The following OTOF variants were observed in gnomAD, a reference collection of about 807,000 sequenced individuals.
OTOF encodes the protein fer-1-like family member 2.
A neutral mutation model predicts 236.8 loss-of-function variants in OTOF; 218 were observed. That is an observed-to-expected ratio of 0.92 (90% CI 0.82 to 1.03). The LOEUF is 1.03. Ranked by LOEUF, OTOF falls within the 50% of genes least tolerant of loss-of-function variation. The probability of loss-of-function intolerance (pLI) is 0.00; values close to 1 mark genes in which losing one functional copy is unlikely to be tolerated. For missense variants in OTOF, 2,590 were observed against 2,694.4 expected, an observed-to-expected ratio of 0.96 and a Z score of 0.86; for synonymous variants, 1,041 against 1,072.5, an observed-to-expected ratio of 0.97 and a Z score of 0.57.
chr2:26,466,367 C>T (rs186025727), intron 36 of OTOF: 7 of 515,044 alleles, frequency 1.4e-5, no homozygotes, highest in African/African-American at 5.8e-5. Flanking sequence ...GACAGAGTCT[C>T]GCTCTGTCTC....
At position 26,548,191 on chromosome 2, in the gene OTOF, A is replaced by G. The variant is rs1451596101; in HGVS notation, c.79+10302T>C. Among the ~76,000 whole-genome samples, 4 of 151,948 alleles carry G rather than the reference A, an allele frequency of 2.6e-5. No individual in the cohort carries two copies. In the East Asian group the frequency reaches 5.8e-4, roughly 22 times the overall value. ...TTTTTGATAAGTCTTGCTAGGGTTT[A>G]TCTATTTTATTAATTTTTTTTGAAG... On this transcript the variant is annotated intron_variant, in intron 1 of 46. Coordinates refer to ENST00000272371, the MANE Select transcript of OTOF (RefSeq NM_194248.3).
At chr2:26,547,077 A>C (rs551752184) in intron 1 of OTOF, among the ~76,000 whole-genome samples, 1 of 152,340 alleles carries the variant, frequency 6.6e-6, no homozygotes, top group South Asian at 2.1e-4. Flanking sequence ...CTGACTCATG[A>C]TCTTAATGTT....
At chr2:26,541,956 C>T (rs1242273996) in intron 1 of OTOF, among the ~76,000 whole-genome samples, 1 of 152,176 alleles carries the variant, frequency 6.6e-6, no homozygotes, top group Non-Finnish European at 1.5e-5. Flanking sequence ...GAAATAAACT[C>T]CTCCCTGAGT....
chr2:26,460,832 G>C lies in OTOF; in HGVS notation c.5712+20C>G, dbSNP rs937795943. On this transcript the variant is annotated intron_variant, in intron 44 of 46. Coordinates refer to ENST00000272371, the MANE Select transcript of OTOF (RefSeq NM_194248.3). This position sits in a 1 kb window ranked among gnomAD's most constrained non-coding sequence, Gnocchi z 5.3. Reference sequence around the variant, plus strand: ...CCAGTCCCAGCCCTGCCTACTGCCCGAGCAGGAAGGGGTGCGCACCGTGAG... The same window carrying C: ...CCAGTCCCAGCCCTGCCTACTGCCCCAGCAGGAAGGGGTGCGCACCGTGAG... 2 of 1,613,908 alleles carry C rather than the reference G, an allele frequency of 1.2e-6. No individual in the cohort carries two copies. Among genetic ancestry groups the C allele is most frequent in the Non-Finnish European group, 1.7e-6 (2 of 1,179,924 alleles).
rs1192548051 is a variant in OTOF at position 26,468,359 on chromosome 2, C to T, written c.4090+49G>A. On this transcript the variant is annotated intron_variant, in intron 33 of 46. Coordinates refer to ENST00000272371, the MANE Select transcript of OTOF (RefSeq NM_194248.3). ...TGATGAGGTGGGCAGGAGAGCTGAC[C>T]ACCCAGGGGCGGGGAGGAGGAGGCA... 6 of 1,447,206 alleles carry T rather than the reference C, an allele frequency of 4.1e-6. No homozygotes were observed. The African/African-American group carries it at 7.0e-5, about 17-fold the overall frequency. The allele number at this position is 1,447,206 out of a possible 1,614,324, so 89.6% of individuals were successfully genotyped here.
chr2:26,509,145 G>A (rs1220752517), intron 5 of OTOF, among the ~76,000 whole-genome samples: 2 of 152,180 alleles, frequency 1.3e-5, no homozygotes, highest in Non-Finnish European at 2.9e-5. Flanking sequence ...GCATCAAGAA[G>A]GGCCTTAGAG....
At chr2:26,537,900 G>A in intron 1 of OTOF, 126 bp from the exon 2 acceptor site, 5 of 751,996 alleles carry the variant, frequency 6.6e-6, no homozygotes, top group Non-Finnish European at 1.2e-5. Context: ...GGGACCTCGT[G>A]GCTTGCTCAC....
chr2:26,502,056 T>A (rs1471362453), intron 7 of OTOF, among the ~76,000 whole-genome samples: 1 of 152,180 alleles, frequency 6.6e-6, no homozygotes, highest in Non-Finnish European at 1.5e-5. Context: ...TGGGCAGGTC[T>A]GTGGCTTCCT....
intron 1 of OTOF, among the ~76,000 whole-genome samples, chr2:26,557,606 C>T (rs1361950125): frequency 6.6e-6 from 1 of 152,176 alleles, no homozygotes; most frequent in Non-Finnish European, 1.5e-5. Flanking sequence ...CAGCTCCTCT[C>T]TCAGCTCTGG....
chr2:26,540,232 G>A (rs1164534429), intron 1 of OTOF, among the ~76,000 whole-genome samples: 1 of 152,180 alleles, frequency 6.6e-6, no homozygotes, highest in Admixed American at 6.5e-5. Context: ...GCGCCCAGCC[G>A]AAAGACGAAT....
At position 26,471,107 on chromosome 2, in the gene OTOF, G is replaced by GC; in HGVS notation, c.3894+13dup. On this transcript the variant is annotated intron_variant, in intron 31 of 46. Coordinates refer to ENST00000272371, the MANE Select transcript of OTOF (RefSeq NM_194248.3). ...CCTCTCACCCCAGAGCCCCTGCATG[G>GC]CCCCCACACTCACCACATCCACCTT... The GC allele has an allele frequency of 6.2e-7, 1 of 1,613,808 alleles. No individual in the cohort carries two copies. The highest frequency in any genetic ancestry group is 8.5e-7 in the Non-Finnish European group (1 of 1,179,804).
At chr2:26,489,767 T>C (rs1263000142) in intron 9 of OTOF, 27 bp from the exon 10 acceptor site, 1 of 1,585,138 alleles carries the variant, frequency 6.3e-7, no homozygotes, top group African/African-American at 1.3e-5. Context: ...CCAGGCCTGC[T>C]GTCACTGAGG....
chr2:26,479,723 T>G (rs1665476727), intron 16 of OTOF, 70 bp from the exon 17 acceptor site: 18 of 1,507,014 alleles, frequency 1.2e-5, no homozygotes, highest in Non-Finnish European at 1.0e-5. Flanking sequence ...TCCAATCCGG[T>G]GCTGCCTTGG....
At chr2:26,541,279 G>C (rs931734868) in intron 1 of OTOF, among the ~76,000 whole-genome samples, 2 of 152,082 alleles carry the variant, frequency 1.3e-5, no homozygotes, top group South Asian at 2.1e-4. Flanking sequence ...TGTTAGAGAG[G>C]AAGTAAAATA....
In OTOF at chr2:26,458,048, C is replaced by T; in HGVS notation, c.*190G>A. 1 of 1,613,318 alleles carries T rather than the reference C, an allele frequency of 6.2e-7. No individual in the cohort carries two copies. The highest frequency in any genetic ancestry group is 1.7e-5 in the Admixed American group (1 of 60,004). On this transcript the variant is annotated 3_prime_UTR_variant, in exon 47 of 47. Transcript: ENST00000272371. ...GCGGGAGCTGGCGGCCTTCATGCCCCAAGGAGCTTTTTGACCATGTAGCCA... is the reference window on the plus strand; with the variant it reads ...GCGGGAGCTGGCGGCCTTCATGCCCTAAGGAGCTTTTTGACCATGTAGCCA...
rs146572730 is a variant in OTOF at position 26,467,172 on chromosome 2, T to C, written c.4289A>G (p.Asn1430Ser). 1.1e-5 allele frequency: 18 copies of C among 1,613,978 alleles called. No homozygotes were observed. Among genetic ancestry groups the C allele is most frequent in the African/African-American group, 1.1e-4 (8 of 74,878 alleles). ...DNFEDWLHTF[N>S]LLRGKTGDDE... Reference sequence around the variant, plus strand: ...ATCCCCGGTCTTGCCCCGAAGCAAGTTGAAAGTGTGCAGCCAGTCCTCAAA... The same window carrying C: ...ATCCCCGGTCTTGCCCCGAAGCAAGCTGAAAGTGTGCAGCCAGTCCTCAAA... Residue 1430 changes from asparagine to serine, a missense_variant, in exon 35 of 47, where the codon AAC (asparagine) becomes AGC (serine). Physicochemically the swap from Asn to Ser is conservative, Grantham distance 46. Transcript: ENST00000272371.
chr2:26,523,514 A>G (rs1035260989), intron 3 of OTOF, among the ~76,000 whole-genome samples: 4 of 152,038 alleles, frequency 2.6e-5, no homozygotes, highest in African/African-American at 9.7e-5. Flanking sequence ...CAGCTCCTCC[A>G]TGCCTCTTTT....
intron 11 of OTOF, among the ~76,000 whole-genome samples, chr2:26,485,190 C>G (rs1392882096): frequency 6.6e-6 from 1 of 152,244 alleles, no homozygotes; most frequent in Non-Finnish European, 1.5e-5. Context: ...TACCTCCATG[C>G]CTTTGCATCT....
At chr2:26,467,071 C>G in intron 35 of OTOF, 28 bp downstream of exon 35, 2 of 1,610,510 alleles carry the variant, frequency 1.2e-6, no homozygotes, top group South Asian at 2.2e-5. Flanking sequence ...GGCGGGTGCT[C>G]AGGCTGGGCC....
Sources: allele counts gnomAD v4.1 joint callset (sites outside exome capture counted in the v4.1 genomes callset), GRCh38; gene constraint gnomAD v4.1.1; non-coding constraint Gnocchi (gnomAD v3.1); transcripts MANE v1.5; gene names NCBI Gene and HGNC (gene_info 2026-07-23, HGNC 2026-07-21).